The following TTC17 variants were observed in gnomAD, a reference collection of about 807,000 sequenced individuals.
The protein encoded by TTC17 is tetratricopeptide repeat protein 17.
A neutral mutation model predicts 143.8 loss-of-function variants in TTC17; 58 were observed. The observed-to-expected ratio is 0.40, with a 90% CI of 0.33 to 0.50. The LOEUF is 0.50. Among genes scored for constraint, TTC17 ranks in the 20% least tolerant of loss-of-function variants. The probability of loss-of-function intolerance (pLI) is 0.49; values close to 1 mark genes in which losing one functional copy is unlikely to be tolerated. For synonymous variants in TTC17, 501 were observed against 497.8 expected (o/e 1.01, Z -0.09); for missense variants, 1,273 against 1,392.5 (o/e 0.91, Z 1.37).
At chr11:43,476,318 C>A (rs1948183279) in intron 21 of TTC17, among the ~76,000 whole-genome samples, 1 of 152,176 alleles carries the variant, frequency 6.6e-6, no homozygotes, top group South Asian at 2.1e-4. Context: ...ATTGGCCAAA[C>A]ATAAGACAGT....
chr11:43,367,089 A>G (rs2134441119), intron 1 of TTC17, among the ~76,000 whole-genome samples: 1 of 152,314 alleles, frequency 6.6e-6, no homozygotes, highest in South Asian at 2.1e-4. Context: ...CACACTAGAC[A>G]TTTCTCAATG....
chr11:43,478,687 A>G (rs1948230441), intron 21 of TTC17, among the ~76,000 whole-genome samples: 1 of 152,146 alleles, frequency 6.6e-6, no homozygotes, highest in Non-Finnish European at 1.5e-5. Context: ...AGCTCGCTGC[A>G]GCCTCAAACT....
intron 10 of TTC17, 99 bp downstream of exon 10, chr11:43,401,657 C>A: frequency 1.2e-6 from 1 of 821,264 alleles, no homozygotes; most frequent in South Asian, 1.9e-5. Context: ...TATTTGATCC[C>A]TAAAATTTGT....
intron 21 of TTC17, among the ~76,000 whole-genome samples, chr11:43,467,322 CTA>C (rs1183393374): frequency 1.3e-5 from 2 of 152,154 alleles, no homozygotes; most frequent in African/African-American, 4.8e-5. Flanking sequence ...GATATACACA[CTA>C]TGAATACAGC....
At chr11:43,435,782 TCA>T (rs1947278629) in intron 16 of TTC17, among the ~76,000 whole-genome samples, 1 of 152,246 alleles carries the variant, frequency 6.6e-6, no homozygotes, top group Non-Finnish European at 1.5e-5. Flanking sequence ...ATAATTTATC[TCA>T]GACTTATCCA....
At chr11:43,433,363 A>G (rs1330911717) in intron 16 of TTC17, among the ~76,000 whole-genome samples, 1 of 152,180 alleles carries the variant, frequency 6.6e-6, no homozygotes, top group African/African-American at 2.4e-5. Flanking sequence ...CTCTTAAAGC[A>G]TGTAGCTTTT....
intron 16 of TTC17, among the ~76,000 whole-genome samples, chr11:43,427,440 A>G (rs930073484): frequency 6.6e-6 from 1 of 152,222 alleles, no homozygotes; most frequent in Non-Finnish European, 1.5e-5. Flanking sequence ...ATCCGTGGAA[A>G]TTGTACCAAA....
chr11:43,472,830 T>A (rs1590482219), intron 21 of TTC17, among the ~76,000 whole-genome samples: 1 of 140,656 alleles, frequency 7.1e-6, no homozygotes, highest in African/African-American at 2.6e-5. Context: ...CTCACCATAG[T>A]GGAATTAAGC....
At chr11:43,414,836 A>G in intron 16 of TTC17, 60 bp downstream of exon 16, 1 of 1,522,498 alleles carries the variant, frequency 6.6e-7, no homozygotes, top group Non-Finnish European at 8.9e-7. Flanking sequence ...TCTTCTGATC[A>G]AAAGAACACA....
At chr11:43,490,181 G>T in intron 21 of TTC17, 58 bp from the exon 22 acceptor site, 2 of 1,557,148 alleles carry the variant, frequency 1.3e-6, no homozygotes, top group Non-Finnish European at 1.7e-6. Context: ...ACTTAATCTT[G>T]GTAATAAATG....
intron 21 of TTC17, among the ~76,000 whole-genome samples, chr11:43,487,409 G>A (rs1158793239): frequency 1.3e-5 from 2 of 152,198 alleles, no homozygotes; most frequent in Non-Finnish European, 2.9e-5. Context: ...GCCTCCCAAA[G>A]TGGTGAGATT....
chr11:43,401,556 C>A lies in TTC17; in HGVS notation c.1330C>A (p.Gln444Lys). 1 of 1,603,626 alleles carries A rather than the reference C, an allele frequency of 6.2e-7. No individual in the cohort carries two copies. Among genetic ancestry groups the A allele is most frequent in the African/African-American group, 1.3e-5 (1 of 74,628 alleles). ...TATCTTTGAAAATGTGGACTATGTT[C>A]AGGTCTTTTTCTTGGTCCAGTCTAA... Reference protein sequence around the residue: ...GDIFENVDYVQFGEDSSTSSM... With the variant: ...GDIFENVDYVKFGEDSSTSSM... The change falls in exon 10 of 24, where the codon CAG (glutamine) becomes AAG (lysine). Residue 444 changes from glutamine (Q) to lysine (K), a missense_variant and splice_region_variant. Physicochemically the swap from Gln to Lys is moderately conservative, Grantham distance 53. Around this residue, in one of 3 missense-constraint regions of TTC17, gnomAD observed 878 missense variants for 899.8 expected, o/e 0.98. Transcript: ENST00000039989.
At chr11:43,385,867 T>C (rs1479495795) in intron 2 of TTC17, among the ~76,000 whole-genome samples, 2 of 151,626 alleles carry the variant, frequency 1.3e-5, no homozygotes, top group Admixed American at 6.6e-5. Flanking sequence ...AAGAAAACAG[T>C]ATTGTTTATT....
chr11:43,399,158 G>A lies in TTC17; in HGVS notation c.1059-730G>A, dbSNP rs117631823. On this transcript the variant is annotated intron_variant, in intron 8 of 23. Transcript: ENST00000039989. ...GTAACCAATAAGCTAGAGTATGAAAGCAAAGTACTGTGGCCCCTAACTCTT... is the reference window on the plus strand; with the variant it reads ...GTAACCAATAAGCTAGAGTATGAAAACAAAGTACTGTGGCCCCTAACTCTT... Among the ~76,000 whole-genome samples, 53 of 152,284 alleles carry A rather than the reference G, an allele frequency of 3.5e-4. 1 individual carries two copies. The East Asian group carries it at 9.3e-3, about 27-fold the overall frequency.
intron 1 of TTC17, among the ~76,000 whole-genome samples, chr11:43,366,126 C>T (rs60871450): frequency 0.098 from 14,820 of 151,600 alleles, 2,464 homozygotes; most frequent in African/African-American, 0.34. Flanking sequence ...GACTAGTTCA[C>T]GTCAGAAATC....
In TTC17 at chr11:43,358,971, G is replaced by C. The variant is rs1021271365; in HGVS notation, c.17G>C (p.Gly6Ala). 3.8e-6 allele frequency: 6 copies of C among 1,579,498 alleles called. No homozygotes were observed. Among genetic ancestry groups the C allele is most frequent in the Non-Finnish European group, 5.2e-6 (6 of 1,163,718 alleles). Reference protein sequence around the residue: MAAAVGVRGRYELPPC... With the variant: MAAAVAVRGRYELPPC... Reference sequence around the variant, plus strand: ...GGGGGCAAGATGGCGGCGGCAGTAGGGGTTCGTGGCCGGTACGAGCTGCCG... The same window carrying C: ...GGGGGCAAGATGGCGGCGGCAGTAGCGGTTCGTGGCCGGTACGAGCTGCCG... The change falls in exon 1 of 24, where the codon GGG becomes GCG. Residue 6 changes from glycine (G) to alanine (A), a missense_variant. Gly to Ala is a moderately conservative substitution (Grantham distance 60). Coordinates refer to ENST00000039989, the MANE Select transcript of TTC17 (RefSeq NM_018259.6).
intron 2 of TTC17, among the ~76,000 whole-genome samples, chr11:43,380,798 A>G (rs532260762): frequency 1.7e-4 from 26 of 152,318 alleles, no homozygotes; most frequent in Non-Finnish European, 3.1e-4. Context: ...TCAACATTGT[A>G]AAAATAGTTT....
At position 43,494,139 on chromosome 11, in the gene TTC17, G is replaced by T; in HGVS notation, c.*235G>T. On this transcript the variant is annotated 3_prime_UTR_variant, in exon 24 of 24. Coordinates refer to ENST00000039989, the MANE Select transcript of TTC17 (RefSeq NM_018259.6). ...AACACACATTTCTTAAAAGGAAAGTGCAGCTTCAAGATATTGTGTAAATAC... is the reference window on the plus strand; with the variant it reads ...AACACACATTTCTTAAAAGGAAAGTTCAGCTTCAAGATATTGTGTAAATAC... 2.3e-6 allele frequency: 1 copy of T among 441,732 alleles called. No homozygotes were observed. Among genetic ancestry groups the T allele is most frequent in the Non-Finnish European group, 3.9e-6 (1 of 253,362 alleles). 27.4% of individuals were successfully genotyped at this position (441,732 alleles called of 1,614,324 possible).
intron 21 of TTC17, among the ~76,000 whole-genome samples, chr11:43,470,228 G>A (rs1437895116): frequency 6.6e-6 from 1 of 152,212 alleles, no homozygotes. Flanking sequence ...CGCTGCAGCA[G>A]CATCAGAGGT....
Sources: gnomAD v4.1 joint callset for allele counts (sites outside exome capture counted in the v4.1 genomes callset) on GRCh38, gnomAD v4.1.1 for gene constraint, gnomAD v4.1.1 regional missense constraint, MANE v1.5 for transcripts, NCBI Gene and HGNC (gene_info 2026-07-23, HGNC 2026-07-21) for gene names.